The following GARS1 variants were observed in gnomAD, a reference collection of about 807,000 sequenced individuals.
The protein encoded by GARS1 is glycine--tRNA ligase.
GARS1 carries 46 observed loss-of-function variants against 86.4 expected under a neutral mutation model. The observed-to-expected ratio is 0.53, with a 90% CI of 0.42 to 0.68. The LOEUF (loss-of-function observed/expected upper bound fraction) is 0.68, where lower values mean the gene tolerates loss of function less well. GARS1 is among the 30% of genes least tolerant of loss of function. The probability of loss-of-function intolerance (pLI) is 0.00; values close to 1 mark genes in which losing one functional copy is unlikely to be tolerated. For synonymous variants in GARS1, 342 were observed against 329.8 expected (o/e 1.04, Z -0.40); for missense variants, 797 against 915.6 (o/e 0.87, Z 1.67).
At chr7:30,596,190 ATC>A (rs2128132106) in intron 1 of GARS1, among the ~76,000 whole-genome samples, 1 of 152,218 alleles carries the variant, frequency 6.6e-6, no homozygotes, top group African/African-American at 2.4e-5. Context: ...GTGGAACCCT[ATC>A]TCGGAAATAA....
At chr7:30,617,063 T>C in intron 9 of GARS1, 51 bp from the exon 10 acceptor site, 1 of 1,586,158 alleles carries the variant, frequency 6.3e-7, no homozygotes, top group Non-Finnish European at 8.6e-7. Flanking sequence ...TTGAAGAGTA[T>C]TAATGTGTGT....
In GARS1 at chr7:30,616,152, A is replaced by G. The variant is rs1267953081; in HGVS notation, c.1194+94A>G. The G allele has an allele frequency of 4.3e-6, 6 of 1,395,528 alleles. No homozygotes were observed. The East Asian group carries it at 1.4e-4, about 32-fold the overall frequency. The allele number at this position is 1,395,528 out of a possible 1,614,324, so 86.4% of individuals were successfully genotyped here. On this transcript the variant is annotated intron_variant, in intron 9 of 16. Transcript: ENST00000389266. ...TGTGTTCTGGGTGACAAGATATTTT[A>G]TTTTGGCAGTCATTTGCTTTTTTAC...
At chr7:30,607,901 T>C (rs932869693) in intron 6 of GARS1, among the ~76,000 whole-genome samples, 2 of 152,206 alleles carry the variant, frequency 1.3e-5, no homozygotes, top group African/African-American at 4.8e-5. Context: ...CATATAGATA[T>C]TTGTATGCCC....
At position 30,632,357 on chromosome 7, in the gene GARS1, A is replaced by G. The variant is rs1562784262; in HGVS notation, c.2014A>G (p.Ile672Val). Residue 672 changes from isoleucine (I) to valine (V), a missense_variant, in exon 16 of 17, where the codon ATT becomes GTT. By Grantham distance (29) the Ile-to-Val change is conservative. This residue lies in a region of GARS1 where 598 missense variants were observed against 738.7 expected (regional missense o/e 0.81). Coordinates refer to ENST00000389266, the MANE Select transcript of GARS1 (RefSeq NM_002047.4). This position sits in a 1 kb window ranked among gnomAD's most constrained non-coding sequence, Gnocchi z 4.1. ...GATTGGCGTGGCTTTTGGTGTCACC[A>G]TTGACTTTGACACAGTGAACAAGAC... ...DEIGVAFGVT[I>V]DFDTVNKTPH... The G allele has an allele frequency of 1.2e-6, 2 of 1,614,136 alleles. No individual in the cohort carries two copies. The highest frequency in any genetic ancestry group is 1.7e-6 in the Non-Finnish European group (2 of 1,180,010).
intron 6 of GARS1, among the ~76,000 whole-genome samples, chr7:30,607,923 T>A (rs1036766512): frequency 2.0e-5 from 3 of 152,210 alleles, no homozygotes; most frequent in African/African-American, 7.2e-5. Context: ...CCTTTCTAGA[T>A]AAATGGTTGC....
At chr7:30,598,942 T>C (rs1253162425) in intron 2 of GARS1, 45 bp downstream of exon 2, 2 of 1,431,158 alleles carry the variant, frequency 1.4e-6, no homozygotes, top group African/African-American at 2.8e-5. Context: ...AGGTATAGGA[T>C]TGTTCATCTT....
chr7:30,615,309 A>G (rs890003310), intron 8 of GARS1, among the ~76,000 whole-genome samples: 1 of 152,232 alleles, frequency 6.6e-6, no homozygotes, highest in Non-Finnish European at 1.5e-5. Flanking sequence ...CTAAAGAACC[A>G]TTTCATTTCG....
Position 30,608,682 on chromosome 7 carries a change from G to A in GARS1, c.736-903G>A, listed in dbSNP as rs146130432. On this transcript the variant is annotated intron_variant, in intron 6 of 16. Coordinates refer to ENST00000389266, the MANE Select transcript of GARS1 (RefSeq NM_002047.4). ...TTGCTCTTTATTGAGTAGTTATTATGTACCAGGTCCTGCCTGTGCTAAATA... is the reference window on the plus strand; with the variant it reads ...TTGCTCTTTATTGAGTAGTTATTATATACCAGGTCCTGCCTGTGCTAAATA... 9.9e-4 allele frequency among the ~76,000 whole-genome samples: 150 copies of A among 152,234 alleles called. 1 individual carries two copies. The East Asian group carries it at 0.025, about 26-fold the overall frequency.
chr7:30,615,727 A>T (rs992685905), intron 8 of GARS1, among the ~76,000 whole-genome samples, 169 bp from the exon 9 acceptor site: 7 of 152,168 alleles, frequency 4.6e-5, no homozygotes, highest in Non-Finnish European at 8.8e-5. Flanking sequence ...TTAATTCAAA[A>T]TTTTTTTGGC....
rs758037738 is a variant in GARS1 at position 30,594,965 on chromosome 7, C to T, written c.44C>T (p.Ala15Val). 7.5e-5 allele frequency: 120 copies of T among 1,595,956 alleles called. No individual in the cohort carries two copies. Among genetic ancestry groups the T allele is most frequent in the Middle Eastern group, 7.4e-4 (4 of 5,436 alleles). ...RPVLLRGARA[A>V]LLLLLPPRLL... Reference sequence around the variant, plus strand: ...GTGCTGCTTAGAGGTGCTCGCGCCGCTCTGCTGCTGCTGCTGCCGCCCCGG... The same window carrying T: ...GTGCTGCTTAGAGGTGCTCGCGCCGTTCTGCTGCTGCTGCTGCCGCCCCGG... The change falls in exon 1 of 17, where the codon GCT becomes GTT. Residue 15 changes from alanine (A) to valine (V), a missense_variant. Ala to Val is a moderately conservative substitution (Grantham distance 64). Transcript: ENST00000389266.
At chr7:30,601,010 T>C in intron 3 of GARS1, 49 bp from the exon 4 acceptor site, 1 of 1,583,060 alleles carries the variant, frequency 6.3e-7, no homozygotes, top group African/African-American at 1.3e-5. Context: ...TGCCTTCATT[T>C]GTTCAGAGTA....
At position 30,603,064 on chromosome 7, in the gene GARS1, C is replaced by T. The variant is rs754556396; in HGVS notation, c.600C>T (p.Asp200=). 1 of 1,613,862 alleles carries T rather than the reference C, an allele frequency of 6.2e-7. No individual in the cohort carries two copies. The highest frequency in any genetic ancestry group is 1.1e-5 in the South Asian group (1 of 91,080). ...KTSGHVDKFA[D]FMVKDVKNGE... The stretch of plus-strand genomic sequence containing the variant: ...CTGGCCATGTAGACAAATTTGCTGA[C>T]TTCATGGTGAAAGACGTAAAAAATG... The change falls in exon 5 of 17, where the codon GAC becomes GAT. Residue 200 remains aspartate (D), a synonymous_variant. Coordinates refer to ENST00000389266, the MANE Select transcript of GARS1 (RefSeq NM_002047.4).
At chr7:30,626,172 T>A in intron 12 of GARS1, 62 bp from the exon 13 acceptor site, 1 of 1,014,276 alleles carries the variant, frequency 9.9e-7, no homozygotes, top group Non-Finnish European at 1.6e-6. Context: ...ACAAAATTCC[T>A]TTAAATTAAG....
chr7:30,602,670 A>G (rs190872684), intron 4 of GARS1, among the ~76,000 whole-genome samples: 3 of 152,380 alleles, frequency 2.0e-5, no homozygotes, highest in African/African-American at 7.2e-5. Context: ...ATTCTTAACT[A>G]GTCAAATTCC....
intron 6 of GARS1, among the ~76,000 whole-genome samples, chr7:30,608,053 T>TAC (rs1791518374): frequency 6.6e-6 from 1 of 152,172 alleles, no homozygotes; most frequent in African/African-American, 2.4e-5. Flanking sequence ...AATTGGGCAT[T>TAC]GTGTGGATAT....
intron 13 of GARS1, 93 bp from the exon 14 acceptor site, chr7:30,628,467 G>A (rs1462527114): frequency 2.2e-6 from 2 of 927,234 alleles, no homozygotes; most frequent in Non-Finnish European, 3.5e-6. Context: ...TTACAGGTGT[G>A]AGCCACCGCA....
chr7:30,602,368 C>T (rs534002351), intron 4 of GARS1, among the ~76,000 whole-genome samples: 5 of 152,316 alleles, frequency 3.3e-5, no homozygotes, highest in Non-Finnish European at 5.9e-5. Context: ...TGAGCCACTG[C>T]GCCCGGCCTG....
Position 30,626,215 on chromosome 7 carries a change from G to A in GARS1, c.1614-19G>A, listed in dbSNP as rs758542073. 3.3e-6 allele frequency: 5 copies of A among 1,508,898 alleles called. No homozygotes were observed. Among genetic ancestry groups the A allele is most frequent in the African/African-American group, 1.4e-5 (1 of 72,910 alleles). 93.5% of individuals were successfully genotyped at this position (1,508,898 alleles called of 1,614,324 possible). On this transcript the variant is annotated intron_variant, in intron 12 of 16. Coordinates refer to ENST00000389266, the MANE Select transcript of GARS1 (RefSeq NM_002047.4). ...GTGCCTGTTTGAACTAATACAAAAT[G>A]TGTTTTGTTTCTTCGTAGGGAATTC...
chr7:30,631,345 G>T, intron 14 of GARS1, 103 bp from the exon 15 acceptor site: 1 of 872,768 alleles, frequency 1.1e-6, no homozygotes. Flanking sequence ...ATGACGTTAT[G>T]CTTGAACACT....
Sources: allele counts gnomAD v4.1 joint callset (sites outside exome capture counted in the v4.1 genomes callset), GRCh38; gene constraint gnomAD v4.1.1; regional missense constraint gnomAD v4.1.1; non-coding constraint Gnocchi (gnomAD v3.1); transcripts MANE v1.5; gene names NCBI Gene and HGNC (gene_info 2026-07-23, HGNC 2026-07-21).